Variants in DYM observed in about 807,000 individuals in gnomAD.
DYM encodes dyggve-Melchior-Clausen syndrome protein.
A neutral mutation model predicts 93.1 loss-of-function variants in DYM; 78 were observed. The observed-to-expected ratio is 0.84, with a 90% CI of 0.70 to 1.01. The LOEUF is 1.01. Ranked by LOEUF, DYM falls within the 50% of genes least tolerant of loss-of-function variation. The pLI, the probability that DYM is intolerant of heterozygous loss-of-function variation, is 0.00. For missense variants in DYM, 789 were observed against 845.0 expected, an observed-to-expected ratio of 0.93 and a Z score of 0.82; for synonymous variants, 321 against 319.7, an observed-to-expected ratio of 1.00 and a Z score of -0.04.
intron 2 of DYM, among the ~76,000 whole-genome samples, chr18:49,392,874 G>T (rs1935990622): frequency 6.7e-6 from 1 of 150,242 alleles, no homozygotes; most frequent in South Asian, 2.1e-4. Context: ...ACACGCCTGT[G>T]ATCCCAGCTA....
chr18:49,341,612 G>C (rs530037165), intron 6 of DYM, among the ~76,000 whole-genome samples: 1 of 152,086 alleles, frequency 6.6e-6, no homozygotes, highest in East Asian at 1.9e-4. Flanking sequence ...GAGTGGCCAT[G>C]AGTTGATAGT....
intron 14 of DYM, among the ~76,000 whole-genome samples, chr18:49,187,655 T>C (rs1445454180): frequency 6.6e-6 from 1 of 152,118 alleles, no homozygotes; most frequent in African/African-American, 2.4e-5. Context: ...AGAATGAGAA[T>C]GAAACTCTCC....
At chr18:49,051,032 A>C (rs993889017) in intron 17 of DYM, among the ~76,000 whole-genome samples, 4 of 152,224 alleles carry the variant, frequency 2.6e-5, no homozygotes, top group Non-Finnish European at 5.9e-5. Context: ...AATAAGTCAC[A>C]TGAAAAAGAG....
At chr18:49,156,987 G>A (rs1308810263) in intron 15 of DYM, among the ~76,000 whole-genome samples, 3 of 151,906 alleles carry the variant, frequency 2.0e-5, no homozygotes, top group African/African-American at 7.3e-5. Context: ...TTGACAGGAA[G>A]CCTGCCAACA....
chr18:49,162,023 G>C (rs186037011), intron 15 of DYM, among the ~76,000 whole-genome samples: 13 of 152,296 alleles, frequency 8.5e-5, no homozygotes, highest in Admixed American at 8.5e-4. Flanking sequence ...GTCCTTATTA[G>C]AACTTGATGA....
intron 13 of DYM, among the ~76,000 whole-genome samples, chr18:49,219,903 C>A (rs1463717051): frequency 1.1e-5 from 1 of 90,426 alleles, no homozygotes; most frequent in Non-Finnish European, 3.0e-5. Flanking sequence ...GAAGTTCTGG[C>A]CAGGGCAATT....
chr18:49,190,841 G>A (rs1456523646), intron 14 of DYM, among the ~76,000 whole-genome samples: 1 of 151,966 alleles, frequency 6.6e-6, no homozygotes, highest in Non-Finnish European at 1.5e-5. Flanking sequence ...CCTTTATGAT[G>A]ATCCATTTCT....
chr18:49,099,500 C>T (rs1343786863), intron 16 of DYM, among the ~76,000 whole-genome samples: 1 of 152,034 alleles, frequency 6.6e-6, no homozygotes, highest in Non-Finnish European at 1.5e-5. Flanking sequence ...AATATATGTT[C>T]TAGTTCTTTA....
intron 8 of DYM, among the ~76,000 whole-genome samples, chr18:49,318,222 G>A (rs776203484): frequency 3.3e-5 from 5 of 152,210 alleles, no homozygotes; most frequent in Non-Finnish European, 7.3e-5. Flanking sequence ...ACTAAGGCAG[G>A]AAATGCAGGG....
intron 13 of DYM, among the ~76,000 whole-genome samples, chr18:49,247,806 A>AAG (rs777130613): frequency 3.9e-5 from 6 of 152,178 alleles, no homozygotes; most frequent in Non-Finnish European, 5.9e-5. Flanking sequence ...TTTCTACTGG[A>AAG]AACTTATAAA....
At chr18:49,071,637 T>C (rs1012504563) in intron 17 of DYM, among the ~76,000 whole-genome samples, 12 of 152,170 alleles carry the variant, frequency 7.9e-5, no homozygotes, top group African/African-American at 2.7e-4. Flanking sequence ...CAGTCAAGGG[T>C]AACAGGCTCA....
At chr18:49,409,485 C>T (rs2051105827) in intron 2 of DYM, among the ~76,000 whole-genome samples, 1 of 151,996 alleles carries the variant, frequency 6.6e-6, no homozygotes, top group Non-Finnish European at 1.5e-5. Context: ...CTGCTCTCCA[C>T]CACAACTCAG....
intron 8 of DYM, among the ~76,000 whole-genome samples, chr18:49,319,204 T>A (rs1489820469): frequency 6.6e-6 from 1 of 152,188 alleles, no homozygotes; most frequent in Non-Finnish European, 1.5e-5. Context: ...AAAGCTAATA[T>A]CTGCTAGTCT....
chr18:49,067,450 GCACTA>G (rs2076545930), intron 17 of DYM, among the ~76,000 whole-genome samples: 8 of 34,332 alleles, frequency 2.3e-4, no homozygotes, highest in Non-Finnish European at 4.3e-4. Context: ...GGTGATGTGA[GCACTA>G]TGGAAGTTTG....
chr18:49,288,407 G>A (rs1315530290), intron 8 of DYM, among the ~76,000 whole-genome samples: 1 of 152,090 alleles, frequency 6.6e-6, no homozygotes, highest in African/African-American at 2.4e-5. Flanking sequence ...GACAACCATA[G>A]AATTTGAAGA....
intron 1 of DYM, among the ~76,000 whole-genome samples, chr18:49,431,296 C>T (rs985802295): frequency 6.6e-6 from 1 of 152,196 alleles, no homozygotes; most frequent in Non-Finnish European, 1.5e-5. Context: ...GTTGATATGC[C>T]TCTTCCCCTA....
In DYM at chr18:49,341,587, G is replaced by A. The variant is rs76340376; in HGVS notation, c.495-7734C>T. ...GTCACTGAGGGTGGATGTGGATGGG[G>A]TATTCATGAAAGAAGAGTGGCCATG... On this transcript the variant is annotated intron_variant, in intron 6 of 17. Coordinates refer to ENST00000675505, the MANE Select transcript of DYM (RefSeq NM_001353214.3). Among the ~76,000 whole-genome samples the A allele has an allele frequency of 1.1e-4, 17 of 152,006 alleles. 1 individual carries two copies. In the East Asian group the frequency reaches 3.3e-3, roughly 29 times the overall value.
chr18:49,343,193 C>A (rs1301645653), intron 6 of DYM, among the ~76,000 whole-genome samples: 2 of 152,172 alleles, frequency 1.3e-5, no homozygotes, highest in Non-Finnish European at 1.5e-5. Context: ...CTGCCCACCC[C>A]ACTAAGAATA....
chr18:49,395,029 GA>G (rs35974552), intron 2 of DYM, among the ~76,000 whole-genome samples: 14,415 of 152,144 alleles, frequency 0.095, 892 homozygotes, highest in East Asian at 0.31. Context: ...CTGAAACTAT[GA>G]AAACTACTAG....
Sources: allele counts gnomAD v4.1 joint callset (sites outside exome capture counted in the v4.1 genomes callset), GRCh38; gene constraint gnomAD v4.1.1; transcripts MANE v1.5; gene names NCBI Gene and HGNC (gene_info 2026-07-23, HGNC 2026-07-21).